Variants in NFIB observed in about 807,000 individuals in gnomAD.
NFIB encodes nuclear factor 1 B-type.
NFIB carries 11 observed loss-of-function variants against 61.5 expected under a neutral mutation model. The observed-to-expected ratio is 0.18, with a 90% CI of 0.11 to 0.30. The LOEUF is 0.30. Among genes scored for constraint, NFIB ranks in the 10% least tolerant of loss-of-function variants. The pLI, the probability that NFIB is intolerant of heterozygous loss-of-function variation, is 1.00. For synonymous variants in NFIB, 260 were observed against 216.5 expected, an observed-to-expected ratio of 1.20 and a Z score of -1.76; for missense variants, 471 against 608.9, an observed-to-expected ratio of 0.77 and a Z score of 2.38.
chr9:14,276,670 G>A (rs903220842), intron 2 of NFIB, among the ~76,000 whole-genome samples: 3 of 152,036 alleles, frequency 2.0e-5, no homozygotes, highest in African/African-American at 7.2e-5. Flanking sequence ...TCTATCTTGT[G>A]AAGGTTCCTG....
intron 2 of NFIB, among the ~76,000 whole-genome samples, chr9:14,292,226 G>A (rs2059151841): frequency 6.6e-6 from 1 of 151,968 alleles, no homozygotes; most frequent in East Asian, 1.9e-4. Context: ...AGAAGCACTG[G>A]GCCTCTCTTA....
chr9:14,131,425 A>C (rs1387072236), intron 6 of NFIB, among the ~76,000 whole-genome samples: 2 of 152,206 alleles, frequency 1.3e-5, no homozygotes, highest in African/African-American at 4.8e-5. Flanking sequence ...TCACGTCATC[A>C]CTTCAAAGAG....
chr9:14,387,139 G>C (rs1357609147), intron 1 of NFIB, among the ~76,000 whole-genome samples: 1 of 152,210 alleles, frequency 6.6e-6, no homozygotes, highest in Non-Finnish European at 1.5e-5. Context: ...GTTCATCACT[G>C]TGTGTCAGTT....
At chr9:14,174,943 T>C (rs1340715797) in intron 3 of NFIB, among the ~76,000 whole-genome samples, 2 of 152,040 alleles carry the variant, frequency 1.3e-5, no homozygotes, top group Admixed American at 6.6e-5. Context: ...ACTAAGTTTG[T>C]CCTAAATTCT....
At chr9:14,111,988 T>C (rs1193050291) in intron 10 of NFIB, among the ~76,000 whole-genome samples, 1 of 152,172 alleles carries the variant, frequency 6.6e-6, no homozygotes, top group Non-Finnish European at 1.5e-5. Context: ...CAAGGGTATG[T>C]GAGGTGAACA....
At chr9:14,461,058 CA>C in the NFIB span, among the ~76,000 whole-genome samples, 1 of 152,092 alleles carries the variant, frequency 6.6e-6, no homozygotes, top group Non-Finnish European at 1.5e-5. Context: ...AATTAGATAT[CA>C]AGTCTCCCTG....
chr9:14,088,774 G>C (rs2033301867), intron 10 of NFIB, among the ~76,000 whole-genome samples: 1 of 152,040 alleles, frequency 6.6e-6, no homozygotes. Flanking sequence ...GGTCAGATGG[G>C]TTTCAATTTC....
chr9:14,531,871 A>T, the NFIB span: 1 of 152,074 alleles, frequency 6.6e-6, no homozygotes, highest in Non-Finnish European at 1.5e-5. Context: ...ATGGAACAAT[A>T]GAGGAGGAGC....
the NFIB span, among the ~76,000 whole-genome samples, chr9:14,428,807 A>C: frequency 6.6e-6 from 1 of 152,176 alleles, no homozygotes; most frequent in Non-Finnish European, 1.5e-5. Flanking sequence ...TTGATAATAC[A>C]CTGAAAATAG....
chr9:14,131,278 G>T (rs1028844428), intron 6 of NFIB, among the ~76,000 whole-genome samples: 4 of 152,022 alleles, frequency 2.6e-5, no homozygotes, highest in African/African-American at 9.7e-5. Context: ...TGATAAAGTT[G>T]GTTCATTTAT....
At chr9:14,350,427 C>T (rs929029437) in intron 1 of NFIB, among the ~76,000 whole-genome samples, 8 of 146,104 alleles carry the variant, frequency 5.5e-5, no homozygotes, top group African/African-American at 2.0e-4. Flanking sequence ...GGAGATCAGT[C>T]GGAGTTGTTG....
At chr9:14,457,424 T>C in the NFIB span, among the ~76,000 whole-genome samples, 72 of 152,226 alleles carry the variant, frequency 4.7e-4, no homozygotes, top group Non-Finnish European at 8.5e-4. Flanking sequence ...AGATCTAAAA[T>C]TGACACCCTA....
chr9:14,335,557 T>C (rs1186552522), intron 1 of NFIB, among the ~76,000 whole-genome samples: 6 of 152,238 alleles, frequency 3.9e-5, no homozygotes, highest in Non-Finnish European at 8.8e-5. Flanking sequence ...TCTTACTGAA[T>C]TTTTAAGTTT....
At chr9:14,504,315 T>G in the NFIB span, among the ~76,000 whole-genome samples, 1 of 152,138 alleles carries the variant, frequency 6.6e-6, no homozygotes, top group East Asian at 1.9e-4. Flanking sequence ...TGCTGGCTCT[T>G]TTTTTGGTTC....
the NFIB span, among the ~76,000 whole-genome samples, chr9:14,518,651 A>T: frequency 2.6e-5 from 4 of 151,948 alleles, no homozygotes. Context: ...AAGACTACGG[A>T]AAGAAACTCA....
chr9:14,152,189 T>A (rs531837065), intron 4 of NFIB, among the ~76,000 whole-genome samples: 1 of 152,236 alleles, frequency 6.6e-6, no homozygotes, highest in South Asian at 2.1e-4. Flanking sequence ...AACTTCTGGA[T>A]TATCTATCAG....
the NFIB span, among the ~76,000 whole-genome samples, chr9:14,407,164 G>C: frequency 2.0e-5 from 3 of 152,008 alleles, no homozygotes; most frequent in Non-Finnish European, 4.4e-5. Context: ...AACCTTCCTC[G>C]ACACAGTCAT....
chr9:14,370,050 G>C (rs74866503), intron 1 of NFIB, among the ~76,000 whole-genome samples: 1 of 152,140 alleles, frequency 6.6e-6, no homozygotes. Flanking sequence ...CTTGGCTTTA[G>C]CTATTTTGAA....
chr9:14,313,586 T>C lies in NFIB; in HGVS notation c.-75A>G. Reference sequence around the variant, plus strand: ...AGAAGCAAGAATTTCATCTATTCATTTTACAGTCATCTGAGCCCCGCGATG... The same window carrying C: ...AGAAGCAAGAATTTCATCTATTCATCTTACAGTCATCTGAGCCCCGCGATG... On this transcript the variant is annotated 5_prime_UTR_variant, in exon 1 of 11. Transcript: ENST00000380953. The surrounding 1 kb of genome is among the most constrained non-coding windows in gnomAD (Gnocchi z 4.5). The C allele has an allele frequency of 6.2e-7, 1 of 1,610,118 alleles. No individual in the cohort carries two copies. Among genetic ancestry groups the C allele is most frequent in the African/African-American group, 1.3e-5 (1 of 74,886 alleles).
Sources: gnomAD v4.1 joint callset for allele counts (sites outside exome capture counted in the v4.1 genomes callset) on GRCh38, gnomAD v4.1.1 for gene constraint, Gnocchi (gnomAD v3.1) non-coding constraint, MANE v1.5 for transcripts, NCBI Gene and HGNC (gene_info 2026-07-23, HGNC 2026-07-21) for gene names.